The following WNK2 variants were observed in gnomAD, a reference collection of about 807,000 sequenced individuals.
WNK2 encodes WNK lysine deficient protein kinase 2, also known as serine/threonine-protein kinase WNK2.
WNK2 carries 67 observed loss-of-function variants against 192.1 expected under a neutral mutation model. That is an observed-to-expected ratio of 0.35 (90% CI 0.29 to 0.43). The LOEUF is 0.43. WNK2 is among the 20% of genes least tolerant of loss of function. The pLI is 1.00. For synonymous variants in WNK2, 1,439 were observed against 1,393.9 expected (o/e 1.03, Z -0.72); for missense variants, 2,698 against 3,089.7 (o/e 0.87, Z 3.01).
chr9:93,215,917 A>G lies in WNK2; in HGVS notation c.682-13779A>G, dbSNP rs180976897. 2.6e-3 allele frequency among the ~76,000 whole-genome samples: 400 copies of G among 152,274 alleles called. 1 individual carries two copies. The highest frequency in any genetic ancestry group is 8.8e-3 in the African/African-American group (366 of 41,550). ...ATTGCTGTGTTTAGAAATTATGGAC[A>G]TATTTGAGGCTCTGGGTGATTTTGT... On this transcript the variant is annotated intron_variant, in intron 2 of 29. Coordinates refer to ENST00000427277, the MANE Select transcript of WNK2 (RefSeq NM_006648.4).
At chr9:93,194,720 G>A (rs1230461376) in intron 2 of WNK2, among the ~76,000 whole-genome samples, 1 of 152,216 alleles carries the variant, frequency 6.6e-6, no homozygotes, top group Non-Finnish European at 1.5e-5. Context: ...ACCCAAAGGA[G>A]TTAAAAACTT....
intron 21 of WNK2, 93 bp from the exon 22 acceptor site, chr9:93,292,215 T>C (rs1849471675): frequency 1.5e-6 from 2 of 1,338,868 alleles, no homozygotes; most frequent in South Asian, 1.2e-5. Context: ...GGCACTCCCA[T>C]GGGATCACTT....
At chr9:93,306,237 C>G (rs949266255) in intron 26 of WNK2, among the ~76,000 whole-genome samples, 1 of 152,178 alleles carries the variant, frequency 6.6e-6, no homozygotes, top group Non-Finnish European at 1.5e-5. Context: ...CAACACTTGC[C>G]GCTGACCTCA....
intron 23 of WNK2, among the ~76,000 whole-genome samples, chr9:93,297,234 CT>C (rs537337948): frequency 1.1e-4 from 16 of 151,896 alleles, no homozygotes; most frequent in Non-Finnish European, 1.8e-4. Flanking sequence ...GCATCCTCCC[CT>C]GGGCATCCTC....
chr9:93,212,322 C>T (rs561182729), intron 2 of WNK2, among the ~76,000 whole-genome samples: 5 of 152,270 alleles, frequency 3.3e-5, no homozygotes, highest in African/African-American at 1.2e-4. Flanking sequence ...ATTCTGTTGC[C>T]GGGCTTGGTG....
At chr9:93,187,349 G>C (rs1829531564) in intron 2 of WNK2, among the ~76,000 whole-genome samples, 1 of 152,186 alleles carries the variant, frequency 6.6e-6, no homozygotes, top group Non-Finnish European at 1.5e-5. Flanking sequence ...GGTGGGAACA[G>C]CAACCGAGAG....
chr9:93,189,968 G>A (rs571618621), intron 2 of WNK2, among the ~76,000 whole-genome samples: 2 of 152,232 alleles, frequency 1.3e-5, no homozygotes, highest in Non-Finnish European at 2.9e-5. Flanking sequence ...ACTTACTGGG[G>A]CAAGACAATC....
chr9:93,312,207 C>T (rs1853787125), intron 28 of WNK2, among the ~76,000 whole-genome samples: 1 of 152,106 alleles, frequency 6.6e-6, no homozygotes, highest in African/African-American at 2.4e-5. Context: ...TTTGGATGCA[C>T]GAAAGTTTTA....
intron 2 of WNK2, among the ~76,000 whole-genome samples, chr9:93,228,908 A>G (rs1838259784): frequency 6.6e-6 from 1 of 151,828 alleles, no homozygotes; most frequent in Admixed American, 6.6e-5. Flanking sequence ...GGAGAGGTGG[A>G]GATTGGGCAG....
In WNK2 at chr9:93,247,732, C is replaced by T; in HGVS notation, c.1732C>T (p.His578Tyr). Residue 578 changes from histidine to tyrosine, a missense_variant, in exon 8 of 30, where the codon CAT becomes TAT. His to Tyr is a moderately conservative substitution (Grantham distance 83). Around this residue, in one of 7 missense-constraint regions of WNK2, gnomAD observed 893 missense variants for 909.0 expected, o/e 0.98. Coordinates refer to ENST00000427277, the MANE Select transcript of WNK2 (RefSeq NM_006648.4). The surrounding 1 kb of genome is among the most constrained non-coding windows in gnomAD (Gnocchi z 5.2). ...GCCCCTGCAGGTCCAGGTGACCTAC[C>T]ATGCACAGGCTGGGCAGCCCGGGCC... ...PVPLQVQVTY[H>Y]AQAGQPGPPE... 1.9e-6 allele frequency: 3 copies of T among 1,557,092 alleles called. No individual in the cohort carries two copies. The highest frequency in any genetic ancestry group is 2.6e-6 in the Non-Finnish European group (3 of 1,151,464).
At position 93,267,793 on chromosome 9, in the gene WNK2, G is replaced by T. The variant is rs1254888212; in HGVS notation, c.3744G>T (p.Glu1248Asp). 1 of 1,611,220 alleles carries T rather than the reference G, an allele frequency of 6.2e-7. No individual in the cohort carries two copies. The highest frequency in any genetic ancestry group is 1.7e-5 in the Admixed American group (1 of 59,672). Residue 1248 changes from glutamate to aspartate, a missense_variant, in exon 17 of 30, where the codon GAG (glutamate) becomes GAT (aspartate). Transcript: ENST00000427277. ...ILQAERETFI[E>D]QMKDVMDKAE... is the part of the protein sequence containing the mutation. ...AGGCCGAGCGGGAAACGTTCATCGA[G>T]CAGATGAAGGATGTCATGGACAAGG... is the stretch of plus-strand genomic sequence containing the variant.
Position 93,253,006 on chromosome 9 carries a change from G to A in WNK2, c.1958G>A (p.Ser653Asn), listed in dbSNP as rs1354297324. ...AAPSPAQCVC[S>N]PPVSEGPVLP... is the part of the protein sequence containing the mutation. ...CCGTCCCCGGCCCAGTGTGTGTGCAGCCCCCCTGTGAGCGAGGGGCCCGTC... is the reference window on the plus strand; with the variant it reads ...CCGTCCCCGGCCCAGTGTGTGTGCAACCCCCCTGTGAGCGAGGGGCCCGTC... The change falls in exon 9 of 30, where the codon AGC becomes AAC. Residue 653 changes from serine (S) to asparagine (N), a missense_variant. By Grantham distance (46) the Ser-to-Asn change is conservative. Coordinates refer to ENST00000427277, the MANE Select transcript of WNK2 (RefSeq NM_006648.4). 1.3e-6 allele frequency: 2 copies of A among 1,558,526 alleles called. No individual in the cohort carries two copies. Among genetic ancestry groups the A allele is most frequent in the South Asian group, 2.4e-5 (2 of 84,282 alleles).
chr9:93,257,234 C>T lies in WNK2; in HGVS notation c.2382+95C>T, dbSNP rs1393342301. ...ACACCCACAGAGGGGGTTGTCTGTG[C>T]ATGTGACCTGTGACCTGGGGTTGGG... On this transcript the variant is annotated intron_variant, in intron 11 of 29. Coordinates refer to ENST00000427277, the MANE Select transcript of WNK2 (RefSeq NM_006648.4). The surrounding 1 kb of genome is among the most constrained non-coding windows in gnomAD (Gnocchi z 4.7). 7.3e-6 allele frequency: 10 copies of T among 1,362,856 alleles called. No individual in the cohort carries two copies. The highest frequency in any genetic ancestry group is 8.9e-6 in the Non-Finnish European group (9 of 1,007,442). 84.4% of individuals were successfully genotyped at this position (1,362,856 alleles called of 1,614,324 possible).
At position 93,268,702 on chromosome 9, in the gene WNK2, C is replaced by T. The variant is rs781468852; in HGVS notation, c.3989C>T (p.Ser1330Leu). Reference protein sequence around the residue: ...EHPAPEAPESSPPLPLSSLPP... With the variant: ...EHPAPEAPESLPPLPLSSLPP... Reference sequence around the variant, plus strand: ...CCCGCCCCCGAGGCCCCTGAATCTTCGCCCCCACTTCCTCTAAGCTCCCTG... The same window carrying T: ...CCCGCCCCCGAGGCCCCTGAATCTTTGCCCCCACTTCCTCTAAGCTCCCTG... The change falls in exon 19 of 30, where the codon TCG (serine) becomes TTG (leucine). Residue 1330 changes from serine (S) to leucine (L), a missense_variant. By Grantham distance (145) the Ser-to-Leu change is moderately radical. This residue lies in a region of WNK2 where 1,098 missense variants were observed against 1,101.0 expected (regional missense o/e 1.00). Transcript: ENST00000427277. 2.1e-5 allele frequency: 34 copies of T among 1,613,430 alleles called. No homozygotes were observed. The highest frequency in any genetic ancestry group is 8.8e-5 in the South Asian group (8 of 91,006).
chr9:93,265,612 G>A (rs1286054960), intron 16 of WNK2, among the ~76,000 whole-genome samples: 1 of 152,218 alleles, frequency 6.6e-6, no homozygotes, highest in Non-Finnish European at 1.5e-5. Flanking sequence ...ATCTTACTGT[G>A]TTTTAAACCT....
rs752255859 is a variant in WNK2, at chr9:93,292,958, C to T, written c.5493C>T (p.Ser1831=). 26 of 1,535,358 alleles carry T rather than the reference C, an allele frequency of 1.7e-5. No homozygotes were observed. Among genetic ancestry groups the T allele is most frequent in the East Asian group, 9.1e-5 (4 of 43,902 alleles). Residue 1831 remains serine (S), a synonymous_variant, in exon 23 of 30, where the codon AGC becomes AGT. Transcript: ENST00000427277. ...QKQASLPVSG[S]VAGDFVKKAT... Reference sequence around the variant, plus strand: ...AGGCGTCCCTGCCCGTGAGTGGCAGCGTGGCTGGCGACTTCGTGAAGAAGG... The same window carrying T: ...AGGCGTCCCTGCCCGTGAGTGGCAGTGTGGCTGGCGACTTCGTGAAGAAGG...
rs59357990 is a variant in WNK2 at position 93,195,699 on chromosome 9, CAAAAAA to C, written c.681+10109_681+10114del. On this transcript the variant is annotated intron_variant, in intron 2 of 29. Coordinates refer to ENST00000427277, the MANE Select transcript of WNK2 (RefSeq NM_006648.4). ...GGGCAACAGAGTAAAGACTTTGTCTCAAAAAAAAAAAAAAAAAAAAAAAAAGATGTT... is the reference window on the plus strand; with the variant it reads ...GGGCAACAGAGTAAAGACTTTGTCTCAAAAAAAAAAAAAAAAAAAGATGTT... Among the ~76,000 whole-genome samples, 26 of 41,670 alleles carry C rather than the reference CAAAAAA, an allele frequency of 6.2e-4. 1 individual carries two copies. Among genetic ancestry groups the C allele is most frequent in the East Asian group, 5.6e-3 (6 of 1,078 alleles). 27.3% of individuals were successfully genotyped at this position (41,670 alleles called of 152,430 possible). A position where few individuals can be genotyped will look rare whatever the true frequency, so the allele number is the denominator to read the frequency against.
At chr9:93,318,483 G>A (rs200539322) in intron 29 of WNK2, 90 of 1,613,988 alleles carry the variant, frequency 5.6e-5, no homozygotes, top group Non-Finnish European at 7.3e-5. Context: ...CAGTTGTTGC[G>A]CTGGGCCATG....
intron 2 of WNK2, among the ~76,000 whole-genome samples, chr9:93,191,505 G>T (rs759633380): frequency 3.5e-4 from 54 of 152,120 alleles, no homozygotes; most frequent in Non-Finnish European, 6.5e-4. Flanking sequence ...CGAGGCTGGA[G>T]GAGGGGCGGG....
Sources: gnomAD v4.1 joint callset for allele counts (sites outside exome capture counted in the v4.1 genomes callset) on GRCh38, gnomAD v4.1.1 for gene constraint, gnomAD v4.1.1 regional missense constraint, Gnocchi (gnomAD v3.1) non-coding constraint, MANE v1.5 for transcripts, NCBI Gene and HGNC (gene_info 2026-07-23, HGNC 2026-07-21) for gene names.